SLC24A4: variants seen among roughly 807,000 people sequenced by gnomAD.
The protein encoded by SLC24A4 is sodium/potassium/calcium exchanger 4.
A neutral mutation model predicts 79.0 loss-of-function variants in SLC24A4; 53 were observed. That is an observed-to-expected ratio of 0.67 (90% CI 0.54 to 0.84). SLC24A4 has a LOEUF of 0.84. Among genes scored for constraint, SLC24A4 ranks in the 40% least tolerant of loss-of-function variants. The pLI, the probability that SLC24A4 is intolerant of heterozygous loss-of-function variation, is 0.00. For missense variants in SLC24A4, 731 were observed against 822.0 expected, an observed-to-expected ratio of 0.89 and a Z score of 1.35; for synonymous variants, 323 against 323.8, an observed-to-expected ratio of 1.00 and a Z score of 0.03.
chr14:92,361,605 C>T (rs1461726008), intron 2 of SLC24A4, among the ~76,000 whole-genome samples: 7 of 152,138 alleles, frequency 4.6e-5, no homozygotes, highest in South Asian at 2.1e-4. Context: ...ACAGCAATAA[C>T]GTAAAACAGA....
chr14:92,395,013 G>A (rs117159750), intron 2 of SLC24A4, among the ~76,000 whole-genome samples: 1 of 152,328 alleles, frequency 6.6e-6, no homozygotes, highest in Non-Finnish European at 1.5e-5. Flanking sequence ...ACTGGATGGT[G>A]TGAGTGGCAT....
chr14:92,359,065 C>G (rs186619907), intron 2 of SLC24A4, among the ~76,000 whole-genome samples: 8 of 152,266 alleles, frequency 5.3e-5, no homozygotes, highest in African/African-American at 1.9e-4. Flanking sequence ...GGGTGATCAT[C>G]TAGTCAGCGT....
intron 10 of SLC24A4, 173 bp from the exon 11 acceptor site, chr14:92,453,727 C>T (rs1030810998): frequency 1.7e-6 from 1 of 578,454 alleles, no homozygotes; most frequent in Non-Finnish European, 2.9e-6. Flanking sequence ...AAGCTAGTGA[C>T]CCACTTTGCC....
chr14:92,403,740 A>G (rs548635705), intron 2 of SLC24A4, among the ~76,000 whole-genome samples: 1 of 152,140 alleles, frequency 6.6e-6, no homozygotes, highest in Admixed American at 6.5e-5. Context: ...ATTTCAAAGT[A>G]GGCATCTCTC....
At chr14:92,326,039 C>A (rs143322174) in intron 2 of SLC24A4, 61 bp downstream of exon 2, 22 of 1,209,650 alleles carry the variant, frequency 1.8e-5, no homozygotes, top group Middle Eastern at 2.0e-4. Context: ...CTGGAGATGG[C>A]GCTTATGTGG....
Position 92,482,724 on chromosome 14 carries a change from A to G in SLC24A4, c.1300A>G (p.Ile434Val). The G allele has an allele frequency of 3.7e-6, 6 of 1,614,070 alleles. No homozygotes were observed. The highest frequency in any genetic ancestry group is 5.1e-6 in the Non-Finnish European group (6 of 1,179,974). ...KVKWVFTWPL[I>V]FLLCVTIPNC... ...CAAGTGGGTGTTCACCTGGCCCCTC[A>G]TCTTCCTCCTGTGCGTCACCATTCC... The change falls in exon 13 of 17, where the codon ATC (isoleucine) becomes GTC (valine). Residue 434 changes from isoleucine to valine, a missense_variant. Coordinates refer to ENST00000532405, the MANE Select transcript of SLC24A4 (RefSeq NM_153646.4).
rs553830631 is a variant in SLC24A4, at chr14:92,359,530, C to T, written c.241+33552C>T. On this transcript the variant is annotated intron_variant, in intron 2 of 16. Coordinates refer to ENST00000532405, the MANE Select transcript of SLC24A4 (RefSeq NM_153646.4). Reference sequence around the variant, plus strand: ...AGGAGAATCGCGTGAACCTGGGAGGCGGAGGTTACAGTGAGCCAAGATCGC... The same window carrying T: ...AGGAGAATCGCGTGAACCTGGGAGGTGGAGGTTACAGTGAGCCAAGATCGC... 5.3e-5 allele frequency among the ~76,000 whole-genome samples: 8 copies of T among 151,876 alleles called. No individual in the cohort carries two copies. In the South Asian group the frequency reaches 6.3e-4, roughly 12 times the overall value.
At chr14:92,404,275 C>T (rs530773820) in intron 2 of SLC24A4, among the ~76,000 whole-genome samples, 5 of 152,336 alleles carry the variant, frequency 3.3e-5, no homozygotes, top group South Asian at 4.1e-4. Context: ...TCACTATAGC[C>T]TCTTCTTATG....
chr14:92,333,990 G>C (rs1256628948), intron 2 of SLC24A4, among the ~76,000 whole-genome samples: 2 of 152,028 alleles, frequency 1.3e-5, no homozygotes, highest in Non-Finnish European at 2.9e-5. Flanking sequence ...TCAAGAGAAG[G>C]ACAAGGGGCC....
rs116445456 is a variant in SLC24A4, at chr14:92,390,709, G to A, written c.242-43203G>A. On this transcript the variant is annotated intron_variant, in intron 2 of 16. Coordinates refer to ENST00000532405, the MANE Select transcript of SLC24A4 (RefSeq NM_153646.4). ...GAACTTACTTGTCACCAAACAGGCC[G>A]GCTGGCAGCATTTTACCAAAGTGGC... is the stretch of plus-strand genomic sequence containing the variant. Among the ~76,000 whole-genome samples, 1,327 of 152,176 alleles carry A rather than the reference G, an allele frequency of 8.7e-3. 23 individuals carry two copies. The highest frequency in any genetic ancestry group is 0.029 in the African/African-American group (1,222 of 41,498).
chr14:92,335,862 G>A (rs1885758826), intron 2 of SLC24A4, among the ~76,000 whole-genome samples: 1 of 152,198 alleles, frequency 6.6e-6, no homozygotes, highest in African/African-American at 2.4e-5. Flanking sequence ...GGGAACTTCT[G>A]TAGCAGATTC....
intron 12 of SLC24A4, among the ~76,000 whole-genome samples, chr14:92,470,358 G>T (rs1595339615): frequency 6.6e-6 from 1 of 152,252 alleles, no homozygotes; most frequent in East Asian, 1.9e-4. Flanking sequence ...ATCATCCAGT[G>T]ATGCATGCAT....
intron 12 of SLC24A4, among the ~76,000 whole-genome samples, chr14:92,464,075 T>G (rs1251911481): frequency 1.3e-5 from 2 of 152,258 alleles, no homozygotes; most frequent in African/African-American, 4.8e-5. Context: ...TGGTTTCTAC[T>G]TTTAGGCTAT....
chr14:92,376,566 C>T (rs1462527531), intron 2 of SLC24A4, among the ~76,000 whole-genome samples: 1 of 152,258 alleles, frequency 6.6e-6, no homozygotes, highest in Non-Finnish European at 1.5e-5. Context: ...TGAGGGTCTT[C>T]ACCAGCTGAC....
In SLC24A4 at chr14:92,490,896, G is replaced by A. The variant is rs933320681; in HGVS notation, c.1538-769G>A. On this transcript the variant is annotated intron_variant, in intron 14 of 16. Coordinates refer to ENST00000532405, the MANE Select transcript of SLC24A4 (RefSeq NM_153646.4). This position sits in a 1 kb window ranked among gnomAD's most constrained non-coding sequence, Gnocchi z 4.3. ...AGGCCAGAAGCCTGAAGGAGAGTCT[G>A]TCCCAGGCCCCTCTTGCCTCTCTGC... Among the ~76,000 whole-genome samples, 3 of 152,232 alleles carry A rather than the reference G, an allele frequency of 2.0e-5. No homozygotes were observed. The highest frequency in any genetic ancestry group is 7.2e-5 in the African/African-American group (3 of 41,458).
intron 2 of SLC24A4, among the ~76,000 whole-genome samples, chr14:92,331,855 A>G (rs1885498035): frequency 1.3e-5 from 2 of 152,194 alleles, no homozygotes; most frequent in African/African-American, 4.8e-5. Flanking sequence ...AGACCATTAG[A>G]TGATCTGCTT....
At chr14:92,395,696 G>A (rs1193048638) in intron 2 of SLC24A4, among the ~76,000 whole-genome samples, 3 of 152,160 alleles carry the variant, frequency 2.0e-5, no homozygotes, top group Non-Finnish European at 2.9e-5. Context: ...GGACAACACT[G>A]CCCAGTTCCA....
intron 2 of SLC24A4, among the ~76,000 whole-genome samples, chr14:92,366,347 G>A (rs532187714): frequency 2.6e-5 from 4 of 152,320 alleles, no homozygotes; most frequent in Admixed American, 6.5e-5. Flanking sequence ...CCATCCCCTC[G>A]GGCAGAGGAA....
intron 2 of SLC24A4, among the ~76,000 whole-genome samples, chr14:92,347,937 A>C (rs1002228275): frequency 3.3e-5 from 5 of 152,124 alleles, no homozygotes; most frequent in Non-Finnish European, 7.3e-5. Context: ...AAAAACAAAA[A>C]ACAAAAACAA....
Sources: allele counts gnomAD v4.1 joint callset (sites outside exome capture counted in the v4.1 genomes callset), GRCh38; gene constraint gnomAD v4.1.1; non-coding constraint Gnocchi (gnomAD v3.1); transcripts MANE v1.5; gene names NCBI Gene and HGNC (gene_info 2026-07-23, HGNC 2026-07-21).